GRM8: variants seen among roughly 807,000 people sequenced by gnomAD.
GRM8 encodes glutamate metabotropic receptor 8.
Under a neutral mutation model 87.2 loss-of-function variants are expected in GRM8, and 47 were observed. The ratio of observed to expected loss-of-function variants is 0.54; its 90% confidence interval spans 0.43 to 0.69. The LOEUF (loss-of-function observed/expected upper bound fraction) is 0.69, where lower values mean the gene tolerates loss of function less well. Among genes scored for constraint, GRM8 ranks in the 30% least tolerant of loss-of-function variants. The pLI is 0.00. For missense variants in GRM8, 1,019 were observed against 1,139.2 expected, an observed-to-expected ratio of 0.89 and a Z score of 1.52; for synonymous variants, 396 against 404.5, an observed-to-expected ratio of 0.98 and a Z score of 0.25.
At position 127,118,094 on chromosome 7, in the gene GRM8, A is replaced by G. The variant is rs563809716; in HGVS notation, c.511-11382T>C. ...TTTATCTCCCAGCTAGCATTCAGGT[A>G]CTGATTCTGAACACCTAATAGCACT... On this transcript the variant is annotated intron_variant, in intron 2 of 10. Coordinates refer to ENST00000339582, the MANE Select transcript of GRM8 (RefSeq NM_000845.3). 17 of 152,350 alleles carry G rather than the reference A, an allele frequency of 1.1e-4. No homozygotes were observed. The South Asian group carries it at 3.3e-3, about 30-fold the overall frequency. 9.4% of individuals were successfully genotyped at this position (152,350 alleles called of 1,614,324 possible). A position where few individuals can be genotyped will look rare whatever the true frequency, so the allele number is the denominator to read the frequency against.
chr7:126,446,477 G>A (rs1399319630), intron 9 of GRM8, 105 bp from the exon 10 acceptor site: 14 of 739,866 alleles, frequency 1.9e-5, no homozygotes, highest in African/African-American at 3.6e-5. Context: ...TCTGCTAAAG[G>A]CACATTAAAA....
chr7:126,640,502 G>A (rs539681807), intron 7 of GRM8, among the ~76,000 whole-genome samples: 16 of 152,192 alleles, frequency 1.1e-4, no homozygotes, highest in African/African-American at 2.6e-4. Context: ...ATAAAACTAT[G>A]CATTTATATA....
intron 3 of GRM8, among the ~76,000 whole-genome samples, chr7:127,025,749 T>G (rs183683705): frequency 2.0e-4 from 30 of 152,230 alleles, no homozygotes; most frequent in Non-Finnish European, 4.4e-5. Context: ...TTTTCTCTAT[T>G]AGCTGTATCA....
chr7:127,079,342 G>A (rs925790984), intron 3 of GRM8, among the ~76,000 whole-genome samples: 8 of 152,014 alleles, frequency 5.3e-5, no homozygotes, highest in African/African-American at 9.7e-5. Context: ...GGATGGTCTC[G>A]AACTCCTGAC....
chr7:126,945,058 A>G (rs1807384494), intron 3 of GRM8, among the ~76,000 whole-genome samples: 1 of 152,184 alleles, frequency 6.6e-6, no homozygotes, highest in Non-Finnish European at 1.5e-5. Flanking sequence ...GAATGAAAAT[A>G]TCTAGTAAAG....
chr7:126,978,902 T>C (rs190065692), intron 3 of GRM8, among the ~76,000 whole-genome samples: 64 of 152,324 alleles, frequency 4.2e-4, no homozygotes, highest in Middle Eastern at 3.4e-3. Flanking sequence ...TAATCTCCTA[T>C]AAAACAGGAA....
At chr7:126,526,891 T>C (rs1393905636) in intron 9 of GRM8, among the ~76,000 whole-genome samples, 1 of 152,230 alleles carries the variant, frequency 6.6e-6, no homozygotes, top group African/African-American at 2.4e-5. Flanking sequence ...ACATAAATGC[T>C]TTCTTTTCCA....
At chr7:126,822,659 T>G (rs1022898974) in intron 6 of GRM8, among the ~76,000 whole-genome samples, 1 of 151,968 alleles carries the variant, frequency 6.6e-6, no homozygotes, top group Admixed American at 6.6e-5. Context: ...AGCCTCAGAC[T>G]CCTGCGGCTC....
intron 3 of GRM8, among the ~76,000 whole-genome samples, chr7:126,968,135 T>C (rs1332285894): frequency 1.3e-5 from 2 of 152,204 alleles, no homozygotes; most frequent in African/African-American, 4.8e-5. Context: ...AGATGTAATA[T>C]ATGAGTTTAT....
At chr7:126,937,924 G>A (rs80101890) in intron 3 of GRM8, among the ~76,000 whole-genome samples, 1,967 of 152,202 alleles carry the variant, frequency 0.013, 37 homozygotes, top group African/African-American at 0.046. Flanking sequence ...TGGGATGAAG[G>A]GTAGGAAGGG....
Position 127,115,706 on chromosome 7 carries a change from C to T in GRM8, c.511-8994G>A, listed in dbSNP as rs542638414. ...ATTTTACAATAAGAAAGCACAACAG[C>T]TCCTTAGGAAAAGAATTGTTCTAAT... On this transcript the variant is annotated intron_variant, in intron 2 of 10. Transcript: ENST00000339582. 4.6e-4 allele frequency among the ~76,000 whole-genome samples: 70 copies of T among 152,218 alleles called. No individual in the cohort carries two copies. The South Asian group carries it at 0.014, about 31-fold the overall frequency.
At chr7:126,476,350 G>A (rs989661870) in intron 9 of GRM8, among the ~76,000 whole-genome samples, 2 of 152,112 alleles carry the variant, frequency 1.3e-5, no homozygotes, top group African/African-American at 4.8e-5. Flanking sequence ...CCAGGGGTTC[G>A]AGGCTATGCA....
chr7:126,898,257 T>C (rs563059470), intron 6 of GRM8, among the ~76,000 whole-genome samples: 29 of 152,252 alleles, frequency 1.9e-4, no homozygotes, highest in African/African-American at 6.5e-4. Flanking sequence ...CTCGTGAATA[T>C]CCTGTAAATT....
At chr7:127,107,285 T>C (rs1825899757) in intron 2 of GRM8, among the ~76,000 whole-genome samples, 1 of 152,198 alleles carries the variant, frequency 6.6e-6, no homozygotes, top group African/African-American at 2.4e-5. Context: ...ACAAAAAGAT[T>C]TGAGAATTGC....
At chr7:126,863,630 T>C (rs1382941755) in intron 6 of GRM8, among the ~76,000 whole-genome samples, 1 of 152,162 alleles carries the variant, frequency 6.6e-6, no homozygotes, top group Non-Finnish European at 1.5e-5. Context: ...AAATGGATAT[T>C]TGCGTTTTCA....
intron 7 of GRM8, among the ~76,000 whole-genome samples, chr7:126,755,806 T>C (rs1003028588): frequency 1.3e-5 from 2 of 151,900 alleles, no homozygotes; most frequent in African/African-American, 2.4e-5. Flanking sequence ...TTTCTGATGG[T>C]GTCAATTGAA....
chr7:126,466,268 G>A (rs187535667), intron 9 of GRM8, among the ~76,000 whole-genome samples: 1 of 151,848 alleles, frequency 6.6e-6, no homozygotes, highest in African/African-American at 2.4e-5. Context: ...GTTATTAATA[G>A]GATATAAGAG....
At chr7:126,974,224 A>G (rs1416342732) in intron 3 of GRM8, among the ~76,000 whole-genome samples, 1 of 152,194 alleles carries the variant, frequency 6.6e-6, no homozygotes, top group African/African-American at 2.4e-5. Context: ...AATACAGAAA[A>G]AGGCCCAAAT....
At chr7:126,731,212 T>C (rs574632692) in intron 7 of GRM8, among the ~76,000 whole-genome samples, 47 of 152,202 alleles carry the variant, frequency 3.1e-4, no homozygotes, top group African/African-American at 9.4e-4. Flanking sequence ...AGAGATCTCA[T>C]AGAGAAGCCA....
Sources: allele counts gnomAD v4.1 joint callset (sites outside exome capture counted in the v4.1 genomes callset), GRCh38; gene constraint gnomAD v4.1.1; transcripts MANE v1.5; gene names NCBI Gene and HGNC (gene_info 2026-07-23, HGNC 2026-07-21).